Variants in CSF2 observed in about 807,000 individuals in gnomAD.
The protein encoded by CSF2 is colony stimulating factor 2, also known as granulocyte-macrophage colony-stimulating factor.
A neutral mutation model predicts 13.5 loss-of-function variants in CSF2; 2 were observed. The observed-to-expected ratio is 0.15, with a 90% CI of 0.06 to 0.47. The LOEUF is 0.47. Among genes scored for constraint, CSF2 ranks in the 20% least tolerant of loss-of-function variants. The probability of loss-of-function intolerance (pLI) is 0.97; values close to 1 mark genes in which losing one functional copy is unlikely to be tolerated. For synonymous variants in CSF2, 66 were observed against 69.2 expected, an observed-to-expected ratio of 0.95 and a Z score of 0.23; for missense variants, 141 against 179.7, an observed-to-expected ratio of 0.78 and a Z score of 1.23.
chr5:132,073,791 T>C lies in CSF2; in HGVS notation c.-33T>C, dbSNP rs1484356244. Reference sequence around the variant, plus strand: ...AGAGCTCTTTTGCCAGTGAGCCCAGTACACAGAGAGAAAGGCTAAAGTTCT... The same window carrying C: ...AGAGCTCTTTTGCCAGTGAGCCCAGCACACAGAGAGAAAGGCTAAAGTTCT... On this transcript the variant is annotated 5_prime_UTR_variant, in exon 1 of 4. Coordinates refer to ENST00000296871, the MANE Select transcript of CSF2 (RefSeq NM_000758.4). The C allele has an allele frequency of 6.2e-7, 1 of 1,611,288 alleles. No individual in the cohort carries two copies. Among genetic ancestry groups the C allele is most frequent in the Non-Finnish European group, 8.5e-7 (1 of 1,179,912 alleles).
Position 132,075,807 on chromosome 5 carries a change from T to C in CSF2, c.390T>C (p.Phe130=), listed in dbSNP as rs772232572. The part of the protein sequence containing the change: ...FESFKENLKD[F]LLVIPFDCWE... ...GTTTCAAAGAGAACCTGAAGGACTTTCTGCTTGTCATCCCCTTTGACTGCT... is the reference window on the plus strand; with the variant it reads ...GTTTCAAAGAGAACCTGAAGGACTTCCTGCTTGTCATCCCCTTTGACTGCT... The change falls in exon 4 of 4, where the codon TTT becomes TTC. Residue 130 remains phenylalanine, a synonymous_variant. Coordinates refer to ENST00000296871, the MANE Select transcript of CSF2 (RefSeq NM_000758.4). 9 of 1,611,586 alleles carry C rather than the reference T, an allele frequency of 5.6e-6. No homozygotes were observed. The East Asian group carries it at 1.6e-4, about 28-fold the overall frequency.
In CSF2 at chr5:132,073,914, G is replaced by C; in HGVS notation, c.91G>C (p.Glu31Gln). 1.2e-6 allele frequency: 2 copies of C among 1,613,316 alleles called. No individual in the cohort carries two copies. Among genetic ancestry groups the C allele is most frequent in the Non-Finnish European group, 1.7e-6 (2 of 1,180,038 alleles). Reference protein sequence around the residue: ...RSPSPSTQPWEHVNAIQEARR... With the variant: ...RSPSPSTQPWQHVNAIQEARR... ...GCCCAGCCCCAGCACGCAGCCCTGG[G>C]AGCATGTGAATGCCATCCAGGAGGC... is the stretch of plus-strand genomic sequence containing the variant. The change falls in exon 1 of 4, where the codon GAG (glutamate) becomes CAG (glutamine). Residue 31 changes from glutamate to glutamine, a missense_variant. Coordinates refer to ENST00000296871, the MANE Select transcript of CSF2 (RefSeq NM_000758.4).
chr5:132,073,893 A>G lies in CSF2; in HGVS notation c.70A>G (p.Ser24Gly). 6.2e-7 allele frequency: 1 copy of G among 1,613,174 alleles called. No individual in the cohort carries two copies. The change falls in exon 1 of 4, where the codon AGC (serine) becomes GGC (glycine). Residue 24 changes from serine to glycine, a missense_variant. Physicochemically the swap from Ser to Gly is moderately conservative, Grantham distance 56. Transcript: ENST00000296871. ...CATCTCTGCACCCGCCCGCTCGCCCAGCCCCAGCACGCAGCCCTGGGAGCA... is the reference window on the plus strand; with the variant it reads ...CATCTCTGCACCCGCCCGCTCGCCCGGCCCCAGCACGCAGCCCTGGGAGCA... ...CSISAPARSP[S>G]PSTQPWEHVN...
Position 132,074,137 on chromosome 5 carries a change from T to G in CSF2, c.201+15T>G, listed in dbSNP as rs1436858740. The G allele has an allele frequency of 6.2e-7, 1 of 1,613,888 alleles. No homozygotes were observed. Among genetic ancestry groups the G allele is most frequent in the South Asian group, 1.1e-5 (1 of 91,076 alleles). On this transcript the variant is annotated intron_variant, in intron 2 of 3. Transcript: ENST00000296871. ...TTGACCTCCAGGTAAGATGCTTCTC[T>G]CTGACATAGCTTTCCAGAAGCCCCT... is the stretch of plus-strand genomic sequence containing the variant.
intron 2 of CSF2, among the ~76,000 whole-genome samples, chr5:132,074,527 G>A (rs1756675067): frequency 6.6e-6 from 1 of 152,164 alleles, no homozygotes; most frequent in African/African-American, 2.4e-5. Context: ...AGGTCCAGGT[G>A]AGGCCCCACC....
In CSF2 at chr5:132,074,109, T is replaced by C; in HGVS notation, c.188T>C (p.Met63Thr). ...MNETVEVISE[M>T]FDLQEPTCLQ... is the part of the protein sequence containing the mutation. ...GAAACAGTAGAAGTCATCTCAGAAA[T>C]GTTTGACCTCCAGGTAAGATGCTTC... is the stretch of plus-strand genomic sequence containing the variant. The change falls in exon 2 of 4, where the codon ATG (methionine) becomes ACG (threonine). Residue 63 changes from methionine (M) to threonine (T), a missense_variant. Met to Thr is a moderately conservative substitution (Grantham distance 81). Transcript: ENST00000296871. The C allele has an allele frequency of 6.2e-7, 1 of 1,613,936 alleles. No homozygotes were observed. The highest frequency in any genetic ancestry group is 8.5e-7 in the Non-Finnish European group (1 of 1,180,022).
Position 132,074,252 on chromosome 5 carries a change from G to T in CSF2, c.201+130G>T, listed in dbSNP as rs999494673. 3 of 1,062,394 alleles carry T rather than the reference G, an allele frequency of 2.8e-6. No individual in the cohort carries two copies. The Admixed American group carries it at 5.7e-5, about 20-fold the overall frequency. 65.8% of individuals were successfully genotyped at this position (1,062,394 alleles called of 1,614,324 possible). Reference sequence around the variant, plus strand: ...CAGTCAGCTGGCTGCAGGAGGAGGGGGTAGCAACTGGGTGCTCAAGAGGCT... The same window carrying T: ...CAGTCAGCTGGCTGCAGGAGGAGGGTGTAGCAACTGGGTGCTCAAGAGGCT... On this transcript the variant is annotated intron_variant, in intron 2 of 3. Transcript: ENST00000296871.
Position 132,075,906 on chromosome 5 carries a change from A to C in CSF2, c.*54A>C. On this transcript the variant is annotated 3_prime_UTR_variant, in exon 4 of 4. Coordinates refer to ENST00000296871, the MANE Select transcript of CSF2 (RefSeq NM_000758.4). ...GGGAGCTGCTCTCTCATGAAACAAG[A>C]GCTAGAAACTCAGGATGGTCATCTT... The C allele has an allele frequency of 7.2e-7, 1 of 1,386,036 alleles. No individual in the cohort carries two copies. The highest frequency in any genetic ancestry group is 1.0e-6 in the Non-Finnish European group (1 of 984,210). The allele number at this position is 1,386,036 out of a possible 1,614,324, so 85.9% of individuals were successfully genotyped here.
chr5:132,074,935 G>T lies in CSF2; in HGVS notation c.327G>T (p.Pro109=). Residue 109 remains proline (P), a splice_region_variant and synonymous_variant, in exon 3 of 4, where the codon CCG becomes CCT. Coordinates refer to ENST00000296871, the MANE Select transcript of CSF2 (RefSeq NM_000758.4). Reference sequence around the variant, plus strand: ...ACAAGCAGCACTGCCCTCCAACCCCGGTGAGTGCCTACGGCAGGGCCTCCA... The same window carrying T: ...ACAAGCAGCACTGCCCTCCAACCCCTGTGAGTGCCTACGGCAGGGCCTCCA... ...SHYKQHCPPT[P]ETSCATQIIT... is the part of the protein sequence containing the mutation. 2 of 1,613,462 alleles carry T rather than the reference G, an allele frequency of 1.2e-6. No homozygotes were observed. Among genetic ancestry groups the T allele is most frequent in the Non-Finnish European group, 1.7e-6 (2 of 1,180,020 alleles).
intron 2 of CSF2, 117 bp from the exon 3 acceptor site, chr5:132,074,693 C>A: frequency 6.6e-7 from 1 of 1,520,768 alleles, no homozygotes; most frequent in Non-Finnish European, 9.1e-7. Flanking sequence ...CCAGCCTGTG[C>A]CCCTCCCAAG....
In CSF2 at chr5:132,073,989, G is replaced by T. The variant is rs1756668710; in HGVS notation, c.159+7G>T. ...AGACACTGCTGCTGAGATGGTAAGT[G>T]AGAGAATGTGGGCCTGTGCCTAGGC... On this transcript the variant is annotated splice_region_variant and intron_variant, in intron 1 of 3. Transcript: ENST00000296871. The T allele has an allele frequency of 6.2e-7, 1 of 1,613,682 alleles. No individual in the cohort carries two copies. The highest frequency in any genetic ancestry group is 8.5e-7 in the Non-Finnish European group (1 of 1,180,040).
At chr5:132,075,087 G>A in intron 3 of CSF2, 152 bp downstream of exon 3, 1 of 1,245,096 alleles carries the variant, frequency 8.0e-7, no homozygotes, top group Non-Finnish European at 1.1e-6. Flanking sequence ...AGAGGAGGCA[G>A]ACAGCCCATT....
rs1756702740 is a variant in CSF2, at chr5:132,076,121, T to C, written c.*269T>C. On this transcript the variant is annotated 3_prime_UTR_variant, in exon 4 of 4. Transcript: ENST00000296871. ...TATTTAAGTTCATATTCCATATTTA[T>C]TCAAGATGTTTTACCGTAATAATTA... 1 of 157,572 alleles carries C rather than the reference T, an allele frequency of 6.3e-6. No homozygotes were observed. The highest frequency in any genetic ancestry group is 1.4e-5 in the Non-Finnish European group (1 of 72,284). 9.8% of individuals were successfully genotyped at this position (157,572 alleles called of 1,614,324 possible).
chr5:132,075,857 G>A lies in CSF2; in HGVS notation c.*5G>A, dbSNP rs374836396. 34 of 1,595,066 alleles carry A rather than the reference G, an allele frequency of 2.1e-5. No homozygotes were observed. Among genetic ancestry groups the A allele is most frequent in the African/African-American group, 1.5e-4 (11 of 74,552 alleles). The stretch of plus-strand genomic sequence containing the variant: ...TGGGAGCCAGTCCAGGAGTGAGACC[G>A]GCCAGATGAGGCTGGCCAAGCCGGG... On this transcript the variant is annotated 3_prime_UTR_variant, in exon 4 of 4. Transcript: ENST00000296871.
At position 132,074,070 on chromosome 5, in the gene CSF2, C is replaced by A; in HGVS notation, c.160-11C>A. The A allele has an allele frequency of 6.2e-7, 1 of 1,613,944 alleles. No individual in the cohort carries two copies. Among genetic ancestry groups the A allele is most frequent in the Non-Finnish European group, 8.5e-7 (1 of 1,180,040 alleles). On this transcript the variant is annotated splice_polypyrimidine_tract_variant and intron_variant, in intron 1 of 3. Transcript: ENST00000296871. ...GTCAGCTTGATAACATGACATTTTCCTTTTCTACAGAATGAAACAGTAGAA... is the reference window on the plus strand; with the variant it reads ...GTCAGCTTGATAACATGACATTTTCATTTTCTACAGAATGAAACAGTAGAA...
intron 2 of CSF2, among the ~76,000 whole-genome samples, chr5:132,074,473 G>A (rs753103136): frequency 9.2e-5 from 14 of 152,196 alleles, no homozygotes; most frequent in Admixed American, 3.9e-4. Flanking sequence ...GCTGACTACA[G>A]AGAGGCACAG....
chr5:132,074,352 T>C (rs1014604599), intron 2 of CSF2, among the ~76,000 whole-genome samples: 4 of 152,186 alleles, frequency 2.6e-5, no homozygotes, highest in Admixed American at 1.3e-4. Context: ...TAGCATTCAA[T>C]GGCCAGGAGT....
rs2069629 is a variant in CSF2 at position 132,075,580 on chromosome 5, G to A, written c.328-165G>A. On this transcript the variant is annotated intron_variant, in intron 3 of 3. Coordinates refer to ENST00000296871, the MANE Select transcript of CSF2 (RefSeq NM_000758.4). Reference sequence around the variant, plus strand: ...GAGCTATGCACTCCTTGGGGAACACGTGGGTGGCAGCAGCGTCACCTGACC... The same window carrying A: ...GAGCTATGCACTCCTTGGGGAACACATGGGTGGCAGCAGCGTCACCTGACC... 3.3e-3 allele frequency among the ~76,000 whole-genome samples: 507 copies of A among 152,340 alleles called. 2 individuals carry two copies. Among genetic ancestry groups the A allele is most frequent in the Middle Eastern group, 0.014 (4 of 294 alleles).
intron 3 of CSF2, 50 bp from the exon 4 acceptor site, chr5:132,075,695 G>A (rs373703815): frequency 4.7e-5 from 66 of 1,393,194 alleles, no homozygotes; most frequent in Middle Eastern, 3.5e-4. Flanking sequence ...CTTCCCCCAC[G>A]TTACCCACTT....
Sources: allele counts gnomAD v4.1 joint callset (sites outside exome capture counted in the v4.1 genomes callset), GRCh38; gene constraint gnomAD v4.1.1; transcripts MANE v1.5; gene names NCBI Gene and HGNC (gene_info 2026-07-23, HGNC 2026-07-21).